Variants in DLEC1 observed in about 807,000 individuals in gnomAD.
DLEC1 encodes the protein DLEC1 cilia and flagella associated protein.
DLEC1 carries 146 observed loss-of-function variants against 198.1 expected under a neutral mutation model. The observed-to-expected ratio is 0.74, with a 90% CI of 0.64 to 0.85. DLEC1 has a LOEUF of 0.85. DLEC1 is among the 40% of genes least tolerant of loss of function. The pLI, the probability that DLEC1 is intolerant of heterozygous loss-of-function variation, is 0.00. For synonymous variants in DLEC1, 897 were observed against 866.8 expected, an observed-to-expected ratio of 1.03 and a Z score of -0.61; for missense variants, 2,233 against 2,220.0, an observed-to-expected ratio of 1.01 and a Z score of -0.12.
At chr3:38,081,114 GA>G (rs1697961682) in intron 6 of DLEC1, among the ~76,000 whole-genome samples, 1 of 140,836 alleles carries the variant, frequency 7.1e-6, no homozygotes, top group Non-Finnish European at 1.5e-5. Context: ...ACATGTTTCA[GA>G]GAGCACAGGG....
At chr3:38,114,275 C>T in intron 25 of DLEC1, 67 bp from the exon 26 acceptor site, 7 of 1,497,806 alleles carry the variant, frequency 4.7e-6, no homozygotes, top group South Asian at 1.1e-5. Context: ...CAAGTGGAGG[C>T]CTTGCCCAGA....
rs769455505 is a variant in DLEC1, at chr3:38,122,358, G to A, written c.5214G>A (p.Arg1738=). The change falls in exon 37 of 37, where the codon CGG becomes CGA. Residue 1738 remains arginine (R), a synonymous_variant. Transcript: ENST00000308059. ...GVLGEKSCTL[R]LRGQGSYDER... Reference sequence around the variant, plus strand: ...TCGGTGAGAAGTCCTGCACCCTGCGGCTCCGGGGCCAAGGCTCCTATGATG... The same window carrying A: ...TCGGTGAGAAGTCCTGCACCCTGCGACTCCGGGGCCAAGGCTCCTATGATG... The A allele has an allele frequency of 1.2e-6, 2 of 1,614,150 alleles. No individual in the cohort carries two copies. Among genetic ancestry groups the A allele is most frequent in the Non-Finnish European group, 1.7e-6 (2 of 1,180,030 alleles).
At chr3:38,059,047 A>G (rs1047767808) in intron 2 of DLEC1, among the ~76,000 whole-genome samples, 2 of 152,196 alleles carry the variant, frequency 1.3e-5, no homozygotes, top group African/African-American at 4.8e-5. Context: ...TTCTGGGCTC[A>G]TCACCCATAG....
At chr3:38,059,705 C>T in intron 2 of DLEC1, 37 bp from the exon 3 acceptor site, 4 of 1,576,224 alleles carry the variant, frequency 2.5e-6, no homozygotes, top group Non-Finnish European at 3.5e-6. Context: ...GTCAGTCTGG[C>T]TGGAAACACC....
At chr3:38,067,705 C>A (rs1474776237) in intron 6 of DLEC1, among the ~76,000 whole-genome samples, 4 of 151,344 alleles carry the variant, frequency 2.6e-5, no homozygotes, top group Non-Finnish European at 5.9e-5. Context: ...GTATGGCAAT[C>A]TCAGGTTAAT....
intron 6 of DLEC1, among the ~76,000 whole-genome samples, chr3:38,074,242 G>A (rs1195336350): frequency 3.9e-5 from 6 of 152,232 alleles, no homozygotes; most frequent in Non-Finnish European, 5.9e-5. Flanking sequence ...GCAAGTAATT[G>A]TAACTCAGAA....
At chr3:38,060,844 G>A (rs1035489299) in intron 3 of DLEC1, among the ~76,000 whole-genome samples, 2 of 152,076 alleles carry the variant, frequency 1.3e-5, no homozygotes, top group Admixed American at 6.6e-5. Flanking sequence ...ACAGGCGTGT[G>A]CCACCACACC....
At chr3:38,045,441 A>G (rs750548075) in intron 1 of DLEC1, 102 bp from the exon 2 acceptor site, 166 of 1,429,992 alleles carry the variant, frequency 1.2e-4, no homozygotes, top group Non-Finnish European at 1.4e-4. Context: ...TGACTATTCT[A>G]TGCTTCACTG....
At chr3:38,059,962 T>G (rs1696594330) in intron 3 of DLEC1, 110 bp downstream of exon 3, 1 of 878,668 alleles carries the variant, frequency 1.1e-6, no homozygotes, top group East Asian at 2.5e-5. Flanking sequence ...TTTTCACCTT[T>G]TCTTTAATTT....
intron 13 of DLEC1, 45 bp from the exon 14 acceptor site, chr3:38,095,843 G>A (rs999996761): frequency 3.1e-6 from 5 of 1,611,754 alleles, no homozygotes; most frequent in East Asian, 2.2e-5. Context: ...AGGACAACCT[G>A]CTGGAACGCA....
chr3:38,078,726 AG>A (rs1467897741), intron 6 of DLEC1, among the ~76,000 whole-genome samples: 7 of 152,148 alleles, frequency 4.6e-5, no homozygotes, highest in Admixed American at 2.6e-4. Context: ...GCTGGGATGA[AG>A]GGTGCAAAGG....
chr3:38,092,842 T>C lies in DLEC1; in HGVS notation c.1718T>C (p.Met573Thr), dbSNP rs776663999. The C allele has an allele frequency of 1.2e-6, 2 of 1,614,216 alleles. No homozygotes were observed. The highest frequency in any genetic ancestry group is 2.2e-5 in the East Asian group (1 of 44,882). ...AAGGCAGAGCAGACCTTCATCATCA[T>C]GTGCGACAACTGCCAGATAAAGGAG... ...LGKAEQTFII[M>T]CDNCQIKELV... The change falls in exon 11 of 37, where the codon ATG becomes ACG. Residue 573 changes from methionine (M) to threonine (T), a missense_variant. By Grantham distance (81) the Met-to-Thr change is moderately conservative. Coordinates refer to ENST00000308059, the MANE Select transcript of DLEC1 (RefSeq NM_007335.4).
At chr3:38,080,114 A>G (rs1697885946) in intron 6 of DLEC1, among the ~76,000 whole-genome samples, 1 of 152,210 alleles carries the variant, frequency 6.6e-6, no homozygotes. Context: ...ATGCTGTCTG[A>G]TTTGGGATAA....
intron 1 of DLEC1, among the ~76,000 whole-genome samples, chr3:38,043,090 A>G (rs1482639640): frequency 4.6e-5 from 7 of 152,104 alleles, no homozygotes; most frequent in African/African-American, 7.2e-5. Flanking sequence ...ACCTATAGAA[A>G]TATCTCATGG....
At chr3:38,098,137 A>G (rs542993971) in intron 18 of DLEC1, among the ~76,000 whole-genome samples, 5 of 152,190 alleles carry the variant, frequency 3.3e-5, no homozygotes, top group Non-Finnish European at 5.9e-5. Context: ...TTTCACTACC[A>G]TCGGATTTAG....
intron 2 of DLEC1, among the ~76,000 whole-genome samples, chr3:38,048,440 T>G (rs1700973644): frequency 6.6e-6 from 1 of 152,248 alleles, no homozygotes; most frequent in Non-Finnish European, 1.5e-5. Flanking sequence ...AAGTGGAAGA[T>G]ACAGTGCCTT....
intron 5 of DLEC1, 88 bp downstream of exon 5, chr3:38,062,889 T>G (rs1043661573): frequency 1.4e-6 from 2 of 1,385,336 alleles, no homozygotes; most frequent in Admixed American, 2.1e-5. Flanking sequence ...GCTGTAGAGG[T>G]CCCTAGACTT....
At chr3:38,064,275 T>C (rs1202744669) in intron 6 of DLEC1, among the ~76,000 whole-genome samples, 2 of 152,170 alleles carry the variant, frequency 1.3e-5, no homozygotes, top group Non-Finnish European at 2.9e-5. Context: ...CGCCCTTAAT[T>C]CATTTAACCC....
chr3:38,070,718 GC>G (rs1697269685), intron 6 of DLEC1, among the ~76,000 whole-genome samples: 1 of 152,162 alleles, frequency 6.6e-6, no homozygotes, highest in Non-Finnish European at 1.5e-5. Flanking sequence ...CAGTGGGGGA[GC>G]TTTTTGAGCC....
Sources: gnomAD v4.1 joint callset for allele counts (sites outside exome capture counted in the v4.1 genomes callset) on GRCh38, gnomAD v4.1.1 for gene constraint, MANE v1.5 for transcripts, NCBI Gene and HGNC (gene_info 2026-07-23, HGNC 2026-07-21) for gene names.